Variants in PAK5 observed in about 807,000 individuals in gnomAD.
PAK5 encodes serine/threonine-protein kinase PAK 5.
Under a neutral mutation model 65.9 loss-of-function variants are expected in PAK5, and 16 were observed. That is an observed-to-expected ratio of 0.24 (90% CI 0.16 to 0.37). The LOEUF is 0.37. Among genes scored for constraint, PAK5 ranks in the 10% least tolerant of loss-of-function variants. The probability of loss-of-function intolerance (pLI) is 1.00; values close to 1 mark genes in which losing one functional copy is unlikely to be tolerated. For synonymous variants in PAK5, 371 were observed against 354.9 expected (o/e 1.05, Z -0.51); for missense variants, 785 against 903.9 (o/e 0.87, Z 1.69).
At chr20:9,765,405 G>A (rs1170312741) in intron 1 of PAK5, among the ~76,000 whole-genome samples, 3 of 152,008 alleles carry the variant, frequency 2.0e-5, no homozygotes, top group South Asian at 2.1e-4. Context: ...AATACTGATT[G>A]CCTATGGAAC....
chr20:9,550,435 C>T (rs938748963), intron 7 of PAK5, among the ~76,000 whole-genome samples: 10 of 152,214 alleles, frequency 6.6e-5, no homozygotes, highest in African/African-American at 2.2e-4. Context: ...ATCTCCTTCA[C>T]CCTGAGGTCC....
At chr20:9,835,329 TGG>T (rs1453164135) in intron 1 of PAK5, among the ~76,000 whole-genome samples, 1 of 152,008 alleles carries the variant, frequency 6.6e-6, no homozygotes, top group African/African-American at 2.4e-5. Flanking sequence ...GTTGGGTCGG[TGG>T]GGAAGAGAGA....
intron 1 of PAK5, among the ~76,000 whole-genome samples, chr20:9,779,450 C>CT (rs1005781096): frequency 1.8e-4 from 27 of 148,140 alleles, no homozygotes; most frequent in African/African-American, 6.3e-4. Flanking sequence ...CAGTATCGTT[C>CT]TTTTTTTCAC....
intron 7 of PAK5, among the ~76,000 whole-genome samples, chr20:9,551,930 A>G (rs1466235783): frequency 6.6e-6 from 1 of 152,234 alleles, no homozygotes; most frequent in Non-Finnish European, 1.5e-5. Context: ...GTCTTCAGGC[A>G]TAAAGATGCA....
chr20:9,607,794 C>A (rs6056749), intron 3 of PAK5, among the ~76,000 whole-genome samples: 82,184 of 151,642 alleles, frequency 0.54, 23,614 homozygotes, highest in African/African-American at 0.74. Context: ...ATGCCACTGC[C>A]CTCCAGCCTG....
chr20:9,772,615 T>G (rs2048846345), intron 1 of PAK5, among the ~76,000 whole-genome samples: 2 of 152,348 alleles, frequency 1.3e-5, no homozygotes, highest in South Asian at 4.2e-4. Context: ...TTTCTGGTGG[T>G]TGTATTTCTC....
At chr20:9,636,938 T>G (rs1445932401) in intron 3 of PAK5, among the ~76,000 whole-genome samples, 3 of 152,208 alleles carry the variant, frequency 2.0e-5, no homozygotes, top group Non-Finnish European at 4.4e-5. Flanking sequence ...ATTGAGGACC[T>G]AAAAGAGACC....
At chr20:9,707,018 C>T (rs938139709) in intron 2 of PAK5, among the ~76,000 whole-genome samples, 6 of 151,900 alleles carry the variant, frequency 3.9e-5, no homozygotes, top group Non-Finnish European at 5.9e-5. Context: ...TGTCTTTAAT[C>T]CTCCTCTCTC....
chr20:9,763,031 T>C (rs1161720001), intron 1 of PAK5, among the ~76,000 whole-genome samples: 7 of 152,128 alleles, frequency 4.6e-5, no homozygotes, highest in Admixed American at 3.9e-4. Context: ...ACAAATACTG[T>C]ATGATCTCAC....
intron 3 of PAK5, among the ~76,000 whole-genome samples, chr20:9,611,525 T>A (rs1198401783): frequency 6.6e-6 from 1 of 152,212 alleles, no homozygotes; most frequent in African/African-American, 2.4e-5. Flanking sequence ...TTGTCACTTC[T>A]CTACAAAATT....
At chr20:9,669,809 A>C (rs6056791) in intron 2 of PAK5, among the ~76,000 whole-genome samples, 7,055 of 152,076 alleles carry the variant, frequency 0.046, 520 homozygotes, top group African/African-American at 0.16. Flanking sequence ...TTTAGGGTAC[A>C]TGTGCACAAC....
intron 1 of PAK5, among the ~76,000 whole-genome samples, chr20:9,786,482 C>T (rs1569087321): frequency 6.6e-6 from 1 of 152,078 alleles, no homozygotes; most frequent in African/African-American, 2.4e-5. Flanking sequence ...TTCTCAAAGC[C>T]CTACTCACTC....
intron 1 of PAK5, chr20:9,784,552 T>C (rs2048973211): frequency 6.6e-6 from 1 of 152,140 alleles, no homozygotes; most frequent in Non-Finnish European, 1.5e-5. Context: ...ATAGTATTTG[T>C]GGATTGAGGA....
chr20:9,765,009 C>G (rs1291798697), intron 1 of PAK5, among the ~76,000 whole-genome samples: 1 of 152,116 alleles, frequency 6.6e-6, no homozygotes, highest in East Asian at 1.9e-4. Flanking sequence ...ATTGATAAAT[C>G]ACTTTTGCAC....
chr20:9,686,367 T>C (rs1433395788), intron 2 of PAK5, among the ~76,000 whole-genome samples: 1 of 152,156 alleles, frequency 6.6e-6, no homozygotes, highest in Admixed American at 6.5e-5. Flanking sequence ...GGTATTTCCT[T>C]CCTTTTCCCT....
intron 2 of PAK5, among the ~76,000 whole-genome samples, chr20:9,645,638 G>A (rs939339315): frequency 4.6e-5 from 7 of 151,450 alleles, no homozygotes; most frequent in Admixed American, 6.6e-5. Flanking sequence ...AGGCTGGAGC[G>A]CAGTGGTGCA....
intron 3 of PAK5, among the ~76,000 whole-genome samples, chr20:9,585,661 T>C (rs1292379414): frequency 1.3e-5 from 2 of 152,358 alleles, no homozygotes; most frequent in African/African-American, 2.4e-5. Flanking sequence ...TTATTTGTAA[T>C]AGGGATATTA....
intron 1 of PAK5, among the ~76,000 whole-genome samples, chr20:9,758,356 C>A (rs2048659565): frequency 6.6e-6 from 1 of 152,170 alleles, no homozygotes; most frequent in Non-Finnish European, 1.5e-5. Flanking sequence ...AAGGGAGTGG[C>A]ATCGAACACA....
chr20:9,681,745 C>T (rs1317255557), intron 2 of PAK5, among the ~76,000 whole-genome samples: 4 of 152,002 alleles, frequency 2.6e-5, no homozygotes, highest in Non-Finnish European at 5.9e-5. Context: ...AGTTAATATT[C>T]ATTTACATTT....
Sources: allele counts gnomAD v4.1 joint callset (sites outside exome capture counted in the v4.1 genomes callset), GRCh38; gene constraint gnomAD v4.1.1; transcripts MANE v1.5; gene names NCBI Gene and HGNC (gene_info 2026-07-23, HGNC 2026-07-21).